IL1RAPL1: variants seen among roughly 807,000 people sequenced by gnomAD.
The protein encoded by IL1RAPL1 is interleukin 1 receptor accessory protein like 1.
IL1RAPL1 carries 3 observed loss-of-function variants against 48.4 expected under a neutral mutation model. The ratio of observed to expected loss-of-function variants is 0.06; its 90% CI spans 0.03 to 0.16. IL1RAPL1 has a LOEUF of 0.16. Among genes scored for constraint, IL1RAPL1 ranks in the 10% least tolerant of loss-of-function variants. The probability of loss-of-function intolerance (pLI) is 1.00; values close to 1 mark genes in which losing one functional copy is unlikely to be tolerated. For missense variants in IL1RAPL1, 349 were observed against 530.6 expected, an observed-to-expected ratio of 0.66 and a Z score of 3.36; for synonymous variants, 185 against 187.7, an observed-to-expected ratio of 0.99 and a Z score of 0.12.
rs1933130772 is a variant in IL1RAPL1 at position 29,941,665 on chromosome X, G to A, written c.1072G>A (p.Val358Met). 8.3e-7 allele frequency: 1 copy of A among 1,209,052 alleles called. No homozygotes were observed. The highest frequency in any genetic ancestry group is 2.2e-5 in the Admixed American group (1 of 45,798). Residue 358 changes from valine to methionine, a missense_variant, in exon 9 of 11, where the codon GTG becomes ATG. Coordinates refer to ENST00000378993, the MANE Select transcript of IL1RAPL1 (RefSeq NM_014271.4). ...TTTCTTTCTAGAGCTAATGTACACAGTGGAACTTGCTGGAGGCCTTGGTGC... is the reference window on the plus strand; with the variant it reads ...TTTCTTTCTAGAGCTAATGTACACAATGGAACTTGCTGGAGGCCTTGGTGC... ...LLHKRELMYT[V>M]ELAGGLGAIL...
At chrX:28,653,453 C>T (rs994810795) in intron 1 of IL1RAPL1, among the ~76,000 whole-genome samples, 8 of 108,146 alleles carry the variant, frequency 7.4e-5, no homozygotes, top group African/African-American at 2.1e-4. Flanking sequence ...CCAGCCTGGG[C>T]GACAGAGAGA....
intron 6 of IL1RAPL1, among the ~76,000 whole-genome samples, chrX:29,784,566 A>G (rs998492722): frequency 2.7e-5 from 3 of 111,361 alleles, no homozygotes; most frequent in Non-Finnish European, 5.7e-5. Flanking sequence ...ACTTTTGAAG[A>G]CTATATGTGG....
intron 4 of IL1RAPL1, among the ~76,000 whole-genome samples, 154 bp from the exon 5 acceptor site, chrX:29,399,001 G>C (rs1185964561): frequency 8.9e-6 from 1 of 112,241 alleles, no homozygotes; most frequent in East Asian, 2.8e-4. Context: ...ATTCCCCAGA[G>C]ATTTTGAGAA....
At chrX:28,727,690 T>C (rs1373451195) in intron 1 of IL1RAPL1, among the ~76,000 whole-genome samples, 1 of 106,424 alleles carries the variant, frequency 9.4e-6, no homozygotes, top group Admixed American at 1.0e-4. Flanking sequence ...ATAGCTCTTA[T>C]TATTTTGAAA....
rs199987230 is a variant in IL1RAPL1 at position 29,490,834 on chromosome X, A to ATGTG, written c.703+91542_703+91545dup. The stretch of plus-strand genomic sequence containing the variant: ...AAGTACACAGTTACTCATCTGAGGT[A>ATGTG]TGTGTGTGTGTGTGTGTGTATATAT... On this transcript the variant is annotated intron_variant, in intron 5 of 10. Transcript: ENST00000378993. Among the ~76,000 whole-genome samples, 93 of 95,826 alleles carry ATGTG rather than the reference A, an allele frequency of 9.7e-4. 2 individuals are homozygous for ATGTG. The highest frequency in any genetic ancestry group is 2.0e-3 in the African/African-American group (43 of 21,630). 83.2% of individuals were successfully genotyped at this position (95,826 alleles called of 115,157 possible).
intron 5 of IL1RAPL1, among the ~76,000 whole-genome samples, chrX:29,553,359 G>C (rs765822931): frequency 7.2e-5 from 8 of 111,679 alleles, no homozygotes; most frequent in Non-Finnish European, 1.5e-4. Flanking sequence ...TCTTCCCTAA[G>C]AAGTTTTTCT....
chrX:29,343,502 C>T (rs779479470), intron 3 of IL1RAPL1, among the ~76,000 whole-genome samples: 5 of 111,659 alleles, frequency 4.5e-5, no homozygotes, highest in Non-Finnish European at 7.5e-5. Flanking sequence ...GGTGGGGCTA[C>T]ATTCTACACT....
chrX:29,287,869 A>G (rs1270666979), intron 3 of IL1RAPL1, among the ~76,000 whole-genome samples: 1 of 111,736 alleles, frequency 8.9e-6, no homozygotes, highest in Non-Finnish European at 1.9e-5. Flanking sequence ...TTGTCCTTCT[A>G]ACAGGGTCTT....
At chrX:28,956,312 G>A (rs1924608654) in intron 2 of IL1RAPL1, among the ~76,000 whole-genome samples, 1 of 108,431 alleles carries the variant, frequency 9.2e-6, no homozygotes, top group Non-Finnish European at 1.9e-5. Context: ...AATAGGAGTG[G>A]TGAGAGAGGG....
intron 6 of IL1RAPL1, among the ~76,000 whole-genome samples, chrX:29,718,603 T>TAA (rs11438049): frequency 0.012 from 1,002 of 80,344 alleles, 24 homozygotes; most frequent in African/African-American, 0.037. Context: ...GCTAAAGTAT[T>TAA]AAAAAAAAAA....
At chrX:29,279,297 A>T (rs1299742883) in intron 2 of IL1RAPL1, among the ~76,000 whole-genome samples, 1 of 111,127 alleles carries the variant, frequency 9.0e-6, no homozygotes, top group Non-Finnish European at 1.9e-5. Context: ...TTAGCTGGGC[A>T]TGGTGGCGTG....
At position 29,410,582 on chromosome X, in the gene IL1RAPL1, A is replaced by G. The variant is rs1194850780; in HGVS notation, c.703+11274A>G. ...TTCATATGGATTTTTGAATTTAATA[A>G]AAGATGAACATCCATTTCTGGAAAA... On this transcript the variant is annotated intron_variant, in intron 5 of 10. Coordinates refer to ENST00000378993, the MANE Select transcript of IL1RAPL1 (RefSeq NM_014271.4). 3.0e-4 allele frequency among the ~76,000 whole-genome samples: 34 copies of G among 112,127 alleles called. No individual in the cohort carries two copies. In the Admixed American group the frequency reaches 3.2e-3, roughly 11 times the overall value.
intron 2 of IL1RAPL1, among the ~76,000 whole-genome samples, chrX:28,819,967 GATAT>G (rs764635166): frequency 0.099 from 2,617 of 26,411 alleles, 108 homozygotes; most frequent in Non-Finnish European, 0.15. Context: ...TAAACATAGT[GATAT>G]ATATATATAT....
intron 1 of IL1RAPL1, among the ~76,000 whole-genome samples, chrX:28,763,881 G>A (rs1027213263): frequency 1.8e-5 from 2 of 110,587 alleles, no homozygotes; most frequent in Non-Finnish European, 3.8e-5. Flanking sequence ...AAAATCTGAC[G>A]GGCTTGTACT....
chrX:28,867,462 G>T (rs767774043), intron 2 of IL1RAPL1, among the ~76,000 whole-genome samples: 13 of 111,597 alleles, frequency 1.2e-4, no homozygotes, highest in Non-Finnish European at 2.3e-4. Flanking sequence ...TGGACTTTTC[G>T]CCTGCAGACA....
At chrX:28,867,408 G>C (rs911507873) in intron 2 of IL1RAPL1, among the ~76,000 whole-genome samples, 2 of 111,886 alleles carry the variant, frequency 1.8e-5, no homozygotes, top group Admixed American at 9.5e-5. Context: ...CCAGGCGGCA[G>C]AAGTTTGTTC....
At chrX:29,156,795 G>A (rs898597540) in intron 2 of IL1RAPL1, among the ~76,000 whole-genome samples, 3 of 111,642 alleles carry the variant, frequency 2.7e-5, no homozygotes, top group South Asian at 7.4e-4. Flanking sequence ...ATCATAGCCA[G>A]TATGACCTTG....
chrX:29,664,476 A>T (rs1314116932), intron 5 of IL1RAPL1, among the ~76,000 whole-genome samples: 2 of 111,517 alleles, frequency 1.8e-5, no homozygotes, highest in African/African-American at 3.3e-5. Flanking sequence ...ACTTTGAAAG[A>T]AACATTTTAT....
rs959791798 is a variant in IL1RAPL1 at position 29,351,703 on chromosome X, G to A, written c.363-44555G>A. On this transcript the variant is annotated intron_variant, in intron 3 of 10. Transcript: ENST00000378993. ...GCCGTACATTCTTTTCATTCTTTGC[G>A]TAAGCAGCAATACTTACTGATTTTG... 6.3e-5 allele frequency among the ~76,000 whole-genome samples: 7 copies of A among 111,911 alleles called. No homozygotes were observed. The East Asian group carries it at 1.4e-3, about 22-fold the overall frequency.
Sources: gnomAD v4.1 joint callset for allele counts (sites outside exome capture counted in the v4.1 genomes callset) on GRCh38, gnomAD v4.1.1 for gene constraint, MANE v1.5 for transcripts, NCBI Gene and HGNC (gene_info 2026-07-23, HGNC 2026-07-21) for gene names.